MYO1B: variants seen among roughly 807,000 people sequenced by gnomAD.
The protein encoded by MYO1B is myosin IB, also known as unconventional myosin-Ib.
In MYO1B, 72 loss-of-function variants were observed where a neutral mutation model predicts 159.7. That is an observed-to-expected ratio of 0.45 (90% CI 0.37 to 0.55). The LOEUF (loss-of-function observed/expected upper bound fraction) is 0.55, where lower values mean the gene tolerates loss of function less well. Ranked by LOEUF, MYO1B falls within the 20% of genes least tolerant of loss-of-function variation. The pLI is 0.00. For synonymous variants in MYO1B, 468 were observed against 473.8 expected, an observed-to-expected ratio of 0.99 and a Z score of 0.16; for missense variants, 1,062 against 1,364.8, an observed-to-expected ratio of 0.78 and a Z score of 3.50.
At chr2:191,272,503 T>C (rs1315174793) in intron 1 of MYO1B, among the ~76,000 whole-genome samples, 2 of 152,212 alleles carry the variant, frequency 1.3e-5, no homozygotes, top group East Asian at 3.8e-4. Flanking sequence ...TACATCTGCA[T>C]GGCAGAAGTG....
intron 1 of MYO1B, among the ~76,000 whole-genome samples, chr2:191,253,575 A>AG (rs1686258709): frequency 6.7e-6 from 1 of 150,194 alleles, no homozygotes; most frequent in Non-Finnish European, 1.5e-5. Context: ...TCACAACTTA[A>AG]AAAAAAAAAA....
At chr2:191,270,637 C>A (rs1401359591) in intron 1 of MYO1B, among the ~76,000 whole-genome samples, 1 of 152,206 alleles carries the variant, frequency 6.6e-6, no homozygotes, top group Admixed American at 6.5e-5. Context: ...TTTTCTGACT[C>A]CCTTAGCTCA....
chr2:191,264,019 A>T (rs1320698397), intron 1 of MYO1B, among the ~76,000 whole-genome samples: 1 of 152,206 alleles, frequency 6.6e-6, no homozygotes, highest in African/African-American at 2.4e-5. Flanking sequence ...AAGGATATGT[A>T]AGAATTATGG....
At chr2:191,260,676 T>C (rs1464288546) in intron 1 of MYO1B, among the ~76,000 whole-genome samples, 1 of 152,192 alleles carries the variant, frequency 6.6e-6, no homozygotes, top group African/African-American at 2.4e-5. Context: ...TTTGTCTGTG[T>C]TGACAATTTT....
At chr2:191,336,424 T>G (rs1199269196) in intron 4 of MYO1B, among the ~76,000 whole-genome samples, 1 of 152,152 alleles carries the variant, frequency 6.6e-6, no homozygotes, top group Non-Finnish European at 1.5e-5. Context: ...AAGGCCAAAA[T>G]GTAGTGAGCT....
At chr2:191,270,313 C>T (rs1687382331) in intron 1 of MYO1B, among the ~76,000 whole-genome samples, 1 of 152,140 alleles carries the variant, frequency 6.6e-6, no homozygotes, top group South Asian at 2.1e-4. Flanking sequence ...TCTTTTTGCT[C>T]ATCTATATTT....
In MYO1B at chr2:191,262,797, A is replaced by G. The variant is rs549336879; in HGVS notation, c.-9-14090A>G. On this transcript the variant is annotated intron_variant, in intron 1 of 30. Transcript: ENST00000392318. The stretch of plus-strand genomic sequence containing the variant: ...TGAATATGTTTTTTATTCTTGCTTT[A>G]AACTTCTTTTCTGCTTAATCACATC... Among the ~76,000 whole-genome samples, 6 of 152,212 alleles carry G rather than the reference A, an allele frequency of 3.9e-5. No homozygotes were observed. The South Asian group carries it at 1.0e-3, about 26-fold the overall frequency.
chr2:191,400,979 G>T, intron 23 of MYO1B, 144 bp downstream of exon 23: 1 of 724,492 alleles, frequency 1.4e-6, no homozygotes. Flanking sequence ...AACACACCTG[G>T]AAACATTAGT....
chr2:191,309,408 C>A (rs1004723067), intron 3 of MYO1B, among the ~76,000 whole-genome samples: 2 of 152,180 alleles, frequency 1.3e-5, no homozygotes, highest in Non-Finnish European at 2.9e-5. Context: ...TGCTTCAACT[C>A]TCCTGTTGCC....
chr2:191,318,534 G>A (rs532335540), intron 3 of MYO1B, among the ~76,000 whole-genome samples: 6 of 152,234 alleles, frequency 3.9e-5, no homozygotes, highest in African/African-American at 1.4e-4. Context: ...TCTCTGTTCC[G>A]ATCCAAGGTC....
chr2:191,267,077 G>A (rs1478590168), intron 1 of MYO1B, among the ~76,000 whole-genome samples: 1 of 152,104 alleles, frequency 6.6e-6, no homozygotes, highest in Non-Finnish European at 1.5e-5. Context: ...CTTGATCTTG[G>A]TGGTGCCTGT....
In MYO1B at chr2:191,390,405, A is replaced by G. The variant is rs1376559272; in HGVS notation, c.1895A>G (p.Tyr632Cys). 4 of 1,614,256 alleles carry G rather than the reference A, an allele frequency of 2.5e-6. No homozygotes were observed. Among genetic ancestry groups the G allele is most frequent in the South Asian group, 2.2e-5 (2 of 91,090 alleles). Residue 632 changes from tyrosine to cysteine, a missense_variant, in exon 18 of 31, where the codon TAC (tyrosine) becomes TGC (cysteine). This residue lies in a region of MYO1B where 609 missense variants were observed against 744.4 expected (regional missense o/e 0.82). Transcript: ENST00000392318. ...AACGTCCGAGTGCGGAGGGCAGGCT[A>G]CGCCTTCAGGCAGGCCTATGAACCT... The part of the protein sequence containing the change: ...LENVRVRRAG[Y>C]AFRQAYEPCL...
intron 3 of MYO1B, among the ~76,000 whole-genome samples, chr2:191,303,035 A>G (rs10497715): frequency 0.02 from 3,046 of 152,240 alleles, 103 homozygotes; most frequent in African/African-American, 0.07. Context: ...TCCTGTTACC[A>G]TTTTACTCCA....
At chr2:191,321,646 C>G (rs1254771930) in intron 3 of MYO1B, among the ~76,000 whole-genome samples, 1 of 152,140 alleles carries the variant, frequency 6.6e-6, no homozygotes, top group African/African-American at 2.4e-5. Context: ...ATAATTTCCT[C>G]CCTGCTGTCT....
At chr2:191,344,130 C>G (rs1308995498) in intron 5 of MYO1B, among the ~76,000 whole-genome samples, 1 of 152,190 alleles carries the variant, frequency 6.6e-6, no homozygotes, top group Non-Finnish European at 1.5e-5. Context: ...ATCAACATCT[C>G]TAGTCGGACT....
At chr2:191,330,683 T>G (rs1691413179) in intron 4 of MYO1B, among the ~76,000 whole-genome samples, 1 of 152,202 alleles carries the variant, frequency 6.6e-6, no homozygotes, top group Non-Finnish European at 1.5e-5. Flanking sequence ...GAATTCAACC[T>G]TAGAAACGTT....
At chr2:191,406,991 G>T (rs1696956999) in intron 24 of MYO1B, among the ~76,000 whole-genome samples, 1 of 152,182 alleles carries the variant, frequency 6.6e-6, no homozygotes, top group South Asian at 2.1e-4. Flanking sequence ...CAGATGGGAG[G>T]TGGATCAGAA....
At chr2:191,271,090 C>T (rs1687427737) in intron 1 of MYO1B, among the ~76,000 whole-genome samples, 1 of 152,178 alleles carries the variant, frequency 6.6e-6, no homozygotes, top group African/African-American at 2.4e-5. Flanking sequence ...ATGAATAAGG[C>T]ATGATTCTTG....
chr2:191,414,758 A>C, intron 29 of MYO1B, 89 bp downstream of exon 29: 1 of 1,407,690 alleles, frequency 7.1e-7, no homozygotes, highest in Non-Finnish European at 9.4e-7. Context: ...CGCAGTTTAT[A>C]TATCTGCCTT....
Sources: gnomAD v4.1 joint callset for allele counts (sites outside exome capture counted in the v4.1 genomes callset) on GRCh38, gnomAD v4.1.1 for gene constraint, gnomAD v4.1.1 regional missense constraint, MANE v1.5 for transcripts, NCBI Gene and HGNC (gene_info 2026-07-23, HGNC 2026-07-21) for gene names.